The following MACROD2 variants were observed in gnomAD, a reference collection of about 807,000 sequenced individuals.
MACROD2 encodes the protein ADP-ribose glycohydrolase MACROD2.
A neutral mutation model predicts 70.4 loss-of-function variants in MACROD2; 36 were observed. That is an observed-to-expected ratio of 0.51 (90% confidence interval 0.39 to 0.68). The LOEUF (loss-of-function observed/expected upper bound fraction) is 0.68. Ranked by LOEUF, MACROD2 falls within the 30% of genes least tolerant of loss-of-function variation. The pLI, the probability that MACROD2 is intolerant of heterozygous loss-of-function variation, is 0.00. For synonymous variants in MACROD2, 172 were observed against 178.8 expected (o/e 0.96, Z 0.30); for missense variants, 496 against 538.4 (o/e 0.92, Z 0.78).
At chr20:14,520,575 A>G (rs1376082720) in intron 4 of MACROD2, among the ~76,000 whole-genome samples, 3 of 151,692 alleles carry the variant, frequency 2.0e-5, no homozygotes, top group Admixed American at 2.0e-4. Context: ...GTTACAATCT[A>G]CATACTAATC....
chr20:15,885,905 G>C (rs1367167328), intron 10 of MACROD2, 94 bp downstream of exon 10: 18 of 1,289,706 alleles, frequency 1.4e-5, no homozygotes, highest in African/African-American at 1.6e-5. Context: ...GACAAAATAA[G>C]ATTAATAAAA....
chr20:14,274,137 T>A (rs566167539), intron 3 of MACROD2, among the ~76,000 whole-genome samples: 1 of 152,276 alleles, frequency 6.6e-6, no homozygotes, highest in African/African-American at 2.4e-5. Context: ...CCTCCCTAAC[T>A]CATTTTATGA....
intron 5 of MACROD2, among the ~76,000 whole-genome samples, chr20:14,804,549 A>G (rs1419258042): frequency 6.6e-6 from 1 of 152,006 alleles, no homozygotes; most frequent in Non-Finnish European, 1.5e-5. Context: ...TGAAGTGCCA[A>G]AGAAAAAGAT....
intron 5 of MACROD2, among the ~76,000 whole-genome samples, chr20:15,227,744 A>G (rs1346813541): frequency 1.0e-4 from 15 of 150,204 alleles, no homozygotes; most frequent in African/African-American, 4.9e-5. Context: ...CTCCTCCTGG[A>G]GACGCACAAC....
At chr20:15,110,402 A>C (rs1365270376) in intron 5 of MACROD2, among the ~76,000 whole-genome samples, 8 of 152,276 alleles carry the variant, frequency 5.3e-5, no homozygotes, top group African/African-American at 1.7e-4. Flanking sequence ...AATTATTGTC[A>C]TACAATTTGA....
At chr20:14,955,582 G>A (rs1011294827) in intron 5 of MACROD2, among the ~76,000 whole-genome samples, 6 of 151,964 alleles carry the variant, frequency 3.9e-5, no homozygotes, top group Non-Finnish European at 7.4e-5. Context: ...TGAATCATGT[G>A]AATTCATTCT....
intron 3 of MACROD2, among the ~76,000 whole-genome samples, chr20:14,455,844 T>C (rs1447584052): frequency 3.3e-5 from 5 of 151,814 alleles, no homozygotes; most frequent in African/African-American, 1.2e-4. Context: ...ATCTTCTAGC[T>C]GTACTTTTTT....
chr20:14,751,092 C>T (rs2071863833), intron 5 of MACROD2, among the ~76,000 whole-genome samples: 2 of 152,064 alleles, frequency 1.3e-5, no homozygotes, highest in African/African-American at 4.8e-5. Flanking sequence ...CTGAACTTTA[C>T]TTGTTTCATA....
intron 7 of MACROD2, among the ~76,000 whole-genome samples, chr20:15,480,442 A>G (rs1429622185): frequency 1.3e-5 from 2 of 152,182 alleles, no homozygotes; most frequent in African/African-American, 4.8e-5. Flanking sequence ...GGTCTAAAGT[A>G]ATTAACAGTT....
At chr20:15,327,307 G>A (rs1182827841) in intron 6 of MACROD2, among the ~76,000 whole-genome samples, 1 of 152,080 alleles carries the variant, frequency 6.6e-6, no homozygotes, top group Non-Finnish European at 1.5e-5. Context: ...CTCACATGAT[G>A]GTCACGTGAC....
At chr20:15,745,980 G>GT (rs1202118803) in intron 8 of MACROD2, among the ~76,000 whole-genome samples, 1 of 151,958 alleles carries the variant, frequency 6.6e-6, no homozygotes, top group African/African-American at 2.4e-5. Flanking sequence ...TTTAGTTTTT[G>GT]TTTTTTTGAA....
intron 5 of MACROD2, among the ~76,000 whole-genome samples, chr20:14,758,686 T>G (rs1320054397): frequency 6.6e-6 from 1 of 152,134 alleles, no homozygotes; most frequent in African/African-American, 2.4e-5. Context: ...TCTCCTTGTG[T>G]GGAGAGGATT....
At chr20:14,924,701 T>G (rs1330566104) in intron 5 of MACROD2, among the ~76,000 whole-genome samples, 2 of 152,112 alleles carry the variant, frequency 1.3e-5, no homozygotes, top group African/African-American at 2.4e-5. Context: ...AATATCCTGT[T>G]GGTGTTGTCT....
intron 4 of MACROD2, among the ~76,000 whole-genome samples, chr20:14,558,140 T>C (rs1979174716): frequency 6.6e-6 from 1 of 151,806 alleles, no homozygotes; most frequent in African/African-American, 2.4e-5. Flanking sequence ...ATTCCATTTA[T>C]ATGAAATGTC....
intron 3 of MACROD2, among the ~76,000 whole-genome samples, chr20:14,205,087 T>A (rs1282363261): frequency 6.6e-6 from 1 of 152,232 alleles, no homozygotes; most frequent in Non-Finnish European, 1.5e-5. Context: ...AAGATAGATT[T>A]GATCAAATAT....
intron 15 of MACROD2, 119 bp from the exon 16 acceptor site, chr20:16,041,082 A>T: frequency 1.2e-6 from 1 of 812,302 alleles, no homozygotes; most frequent in Admixed American, 2.8e-5. Context: ...CTGCAAAAGA[A>T]GTTGAATCCC....
intron 8 of MACROD2, among the ~76,000 whole-genome samples, chr20:15,801,185 T>TA (rs1568569034): frequency 1.1e-5 from 1 of 89,662 alleles, no homozygotes; most frequent in Non-Finnish European, 2.4e-5. Flanking sequence ...GAATGATCAA[T>TA]TAAAAAAAAA....
At chr20:15,630,559 G>A (rs185836903) in intron 8 of MACROD2, among the ~76,000 whole-genome samples, 1 of 152,232 alleles carries the variant, frequency 6.6e-6, no homozygotes, top group Admixed American at 6.5e-5. Flanking sequence ...CTTAGCACAG[G>A]ACGGGAGAAA....
intron 4 of MACROD2, among the ~76,000 whole-genome samples, chr20:14,496,728 G>C (rs972405134): frequency 6.7e-6 from 1 of 148,438 alleles, no homozygotes; most frequent in East Asian, 1.9e-4. Context: ...GATCACTTCT[G>C]TTCATAGTTT....
Sources: allele counts gnomAD v4.1 joint callset (sites outside exome capture counted in the v4.1 genomes callset), GRCh38; gene constraint gnomAD v4.1.1; transcripts MANE v1.5; gene names NCBI Gene and HGNC (gene_info 2026-07-23, HGNC 2026-07-21).